The following CEP112 variants were observed in gnomAD, a reference collection of about 807,000 sequenced individuals.
CEP112 encodes the protein centrosomal protein 112.
CEP112 carries 127 observed loss-of-function variants against 153.0 expected under a neutral mutation model. The observed-to-expected ratio is 0.83, with a 90% CI of 0.72 to 0.96. CEP112 has a LOEUF of 0.96. Among genes scored for constraint, CEP112 ranks in the 40% least tolerant of loss-of-function variants. The pLI, the probability that CEP112 is intolerant of heterozygous loss-of-function variation, is 0.00. For missense variants in CEP112, 1,089 were observed against 1,101.2 expected (o/e 0.99, Z 0.16); for synonymous variants, 358 against 374.4 (o/e 0.96, Z 0.51).
intron 18 of CEP112, among the ~76,000 whole-genome samples, chr17:65,949,713 G>C (rs1182615976): frequency 6.6e-6 from 1 of 152,180 alleles, no homozygotes; most frequent in Non-Finnish European, 1.5e-5. Context: ...AAAACAGTCA[G>C]AGATGATATG....
chr17:65,938,591 C>T lies in CEP112; in HGVS notation c.1873-10902G>A, dbSNP rs371448700. Among the ~76,000 whole-genome samples the T allele has an allele frequency of 7.2e-5, 11 of 152,084 alleles. No homozygotes were observed. In the East Asian group the frequency reaches 1.4e-3, roughly 19 times the overall value. On this transcript the variant is annotated intron_variant, in intron 18 of 26. Coordinates refer to ENST00000535342, the MANE Select transcript of CEP112 (RefSeq NM_001199165.4). ...TTCAACATACTAGTAGAAGTCCTAG[C>T]CAGAGTAATTTGGCAAGATAATGGG... is the stretch of plus-strand genomic sequence containing the variant.
intron 23 of CEP112, among the ~76,000 whole-genome samples, chr17:65,723,744 G>A (rs535000842): frequency 1.3e-5 from 2 of 152,274 alleles, no homozygotes; most frequent in Admixed American, 6.5e-5. Flanking sequence ...GTAGTTTATA[G>A]ACATCAAAGG....
chr17:66,099,675 C>G (rs2068488382), intron 6 of CEP112, among the ~76,000 whole-genome samples: 1 of 152,068 alleles, frequency 6.6e-6, no homozygotes, highest in Admixed American at 6.6e-5. Context: ...CTGGCTATTA[C>G]TTGTTCAGAA....
chr17:65,721,134 C>T (rs905149220), intron 23 of CEP112, among the ~76,000 whole-genome samples: 1 of 151,774 alleles, frequency 6.6e-6, no homozygotes, highest in Non-Finnish European at 1.5e-5. Context: ...GCCTCAGCCT[C>T]CAAGTAGCTA....
chr17:65,823,442 T>C (rs777015121), intron 21 of CEP112, among the ~76,000 whole-genome samples: 27 of 152,146 alleles, frequency 1.8e-4, no homozygotes, highest in Non-Finnish European at 2.9e-4. Context: ...AAGGATAGTC[T>C]TTTCAACAAA....
intron 24 of CEP112, among the ~76,000 whole-genome samples, chr17:65,685,088 TA>T (rs2047715593): frequency 6.6e-6 from 1 of 152,212 alleles, no homozygotes; most frequent in Admixed American, 6.5e-5. Context: ...AGGAGAAAGT[TA>T]ACCCTTTGTG....
At chr17:65,987,586 T>C (rs2063454312) in intron 17 of CEP112, among the ~76,000 whole-genome samples, 1 of 152,074 alleles carries the variant, frequency 6.6e-6, no homozygotes, top group Admixed American at 6.6e-5. Context: ...AGATTTCTGG[T>C]TTCAAAATGG....
At chr17:65,986,526 C>T (rs1366275863) in intron 17 of CEP112, among the ~76,000 whole-genome samples, 1 of 152,120 alleles carries the variant, frequency 6.6e-6, no homozygotes, top group East Asian at 1.9e-4. Flanking sequence ...GAGCCAGCAA[C>T]TCCCAAAATG....
chr17:66,167,591 A>T (rs1002982148), intron 4 of CEP112, among the ~76,000 whole-genome samples: 1 of 152,200 alleles, frequency 6.6e-6, no homozygotes, highest in African/African-American at 2.4e-5. Context: ...AACCAAAAAC[A>T]AAGGTATAGC....
chr17:65,743,322 C>A, intron 22 of CEP112, 105 bp from the exon 23 acceptor site: 1 of 815,284 alleles, frequency 1.2e-6, no homozygotes, highest in Non-Finnish European at 1.9e-6. Context: ...AAACTCTATT[C>A]CACAAATTAA....
At chr17:65,801,421 C>T (rs1339911431) in intron 21 of CEP112, among the ~76,000 whole-genome samples, 1 of 152,142 alleles carries the variant, frequency 6.6e-6, no homozygotes, top group East Asian at 1.9e-4. Flanking sequence ...TTGATGAAGT[C>T]CAATTTACCT....
chr17:65,662,440 A>G (rs898596283), intron 24 of CEP112, among the ~76,000 whole-genome samples: 3 of 152,206 alleles, frequency 2.0e-5, no homozygotes, highest in South Asian at 2.1e-4. Context: ...TGCATTCTTT[A>G]TAAAACTGTT....
At chr17:66,114,340 T>A (rs1169552440) in intron 6 of CEP112, among the ~76,000 whole-genome samples, 1 of 152,198 alleles carries the variant, frequency 6.6e-6, no homozygotes, top group African/African-American at 2.4e-5. Context: ...TTTTTTAAAA[T>A]TACTTGGCAT....
At chr17:65,649,717 C>CA (rs3077085) in intron 24 of CEP112, among the ~76,000 whole-genome samples, 8,533 of 114,518 alleles carry the variant, frequency 0.075, 809 homozygotes, top group African/African-American at 0.21. Flanking sequence ...GACCCTGTCT[C>CA]AAAAAAAAAA....
At chr17:66,103,493 T>C (rs2068651543) in intron 6 of CEP112, among the ~76,000 whole-genome samples, 1 of 152,106 alleles carries the variant, frequency 6.6e-6, no homozygotes. Context: ...AAGTAAATAA[T>C]AGAACTAATA....
At chr17:66,112,188 G>C (rs1326439467) in intron 6 of CEP112, among the ~76,000 whole-genome samples, 1 of 152,056 alleles carries the variant, frequency 6.6e-6, no homozygotes, top group African/African-American at 2.4e-5. Context: ...CTACTCGGGA[G>C]GCTGAGGCAG....
chr17:66,131,288 T>C (rs556445002), intron 5 of CEP112, among the ~76,000 whole-genome samples: 20 of 152,336 alleles, frequency 1.3e-4, no homozygotes, highest in Non-Finnish European at 2.8e-4. Context: ...TGAACAAGAA[T>C]TTCTTAAATA....
chr17:65,841,995 G>A (rs563655415), intron 21 of CEP112, among the ~76,000 whole-genome samples: 13 of 151,776 alleles, frequency 8.6e-5, no homozygotes, highest in Non-Finnish European at 1.0e-4. Flanking sequence ...ATAAAACTTT[G>A]ATGATAGCAA....
At chr17:65,935,108 T>C (rs1712571392) in intron 18 of CEP112, among the ~76,000 whole-genome samples, 1 of 152,168 alleles carries the variant, frequency 6.6e-6, no homozygotes, top group Non-Finnish European at 1.5e-5. Flanking sequence ...TGAGGTGAGA[T>C]TTGGATGGGG....
Sources: allele counts gnomAD v4.1 joint callset (sites outside exome capture counted in the v4.1 genomes callset), GRCh38; gene constraint gnomAD v4.1.1; transcripts MANE v1.5; gene names NCBI Gene and HGNC (gene_info 2026-07-23, HGNC 2026-07-21).